The following PRKCA variants were observed in gnomAD, a reference collection of about 807,000 sequenced individuals.
PRKCA encodes protein kinase C alpha, also known as protein kinase C alpha type.
In PRKCA, 27 loss-of-function variants were observed where a neutral mutation model predicts 87.0. The ratio of observed to expected loss-of-function variants is 0.31; its 90% CI spans 0.23 to 0.43. PRKCA has a LOEUF of 0.43. PRKCA is among the 20% of genes least tolerant of loss of function. The probability of loss-of-function intolerance (pLI) is 1.00; values close to 1 mark genes in which losing one functional copy is unlikely to be tolerated. For synonymous variants in PRKCA, 329 were observed against 311.1 expected (o/e 1.06, Z -0.61); for missense variants, 518 against 852.3 (o/e 0.61, Z 4.88).
At chr17:66,475,574 T>C (rs1915504002) in intron 2 of PRKCA, among the ~76,000 whole-genome samples, 1 of 152,142 alleles carries the variant, frequency 6.6e-6, no homozygotes, top group Non-Finnish European at 1.5e-5. Flanking sequence ...ATTTGAGACA[T>C]TTGCCTTGTG....
chr17:66,343,060 A>G (rs986421524), intron 2 of PRKCA, among the ~76,000 whole-genome samples: 1 of 152,070 alleles, frequency 6.6e-6, no homozygotes, highest in East Asian at 1.9e-4. Context: ...ATATGCCAAG[A>G]TGTTTAAAGT....
intron 5 of PRKCA, among the ~76,000 whole-genome samples, chr17:66,648,176 G>C (rs548301416): frequency 6.6e-6 from 1 of 152,304 alleles, no homozygotes; most frequent in Admixed American, 6.5e-5. Flanking sequence ...GAGCGAACTT[G>C]CTCCCTGTCA....
At chr17:66,619,921 G>C (rs1970627095) in intron 3 of PRKCA, among the ~76,000 whole-genome samples, 1 of 152,130 alleles carries the variant, frequency 6.6e-6, no homozygotes, top group Non-Finnish European at 1.5e-5. Flanking sequence ...AAGGAGACTA[G>C]ATTTGGTAGT....
intron 2 of PRKCA, among the ~76,000 whole-genome samples, chr17:66,344,429 G>T (rs912082275): frequency 1.3e-5 from 2 of 152,204 alleles, no homozygotes; most frequent in Admixed American, 6.5e-5. Context: ...GCTGAGGCGG[G>T]CAGATAGCTT....
intron 2 of PRKCA, among the ~76,000 whole-genome samples, chr17:66,477,239 T>A (rs1915572745): frequency 6.6e-6 from 1 of 152,090 alleles, no homozygotes; most frequent in Non-Finnish European, 1.5e-5. Flanking sequence ...GGAATAAAAA[T>A]ATCATGTTAA....
At chr17:66,657,568 A>G (rs1216337754) in intron 5 of PRKCA, among the ~76,000 whole-genome samples, 4 of 152,180 alleles carry the variant, frequency 2.6e-5, no homozygotes, top group Non-Finnish European at 2.9e-5. Context: ...GTGGGGGTAC[A>G]GTGCAGGAGA....
chr17:66,330,031 C>T (rs1050490200), intron 2 of PRKCA, among the ~76,000 whole-genome samples: 1 of 152,032 alleles, frequency 6.6e-6, no homozygotes, highest in Non-Finnish European at 1.5e-5. Flanking sequence ...TCTTACTCAA[C>T]CCATTCCCTC....
chr17:66,736,275 C>A (rs1180021718), intron 10 of PRKCA, among the ~76,000 whole-genome samples: 1 of 148,116 alleles, frequency 6.8e-6, no homozygotes, highest in Non-Finnish European at 1.5e-5. Context: ...AAAAAACTCA[C>A]AGTCTTGGCT....
chr17:66,559,131 G>A (rs1968601561), intron 3 of PRKCA, among the ~76,000 whole-genome samples: 2 of 152,092 alleles, frequency 1.3e-5, no homozygotes, highest in Non-Finnish European at 2.9e-5. Context: ...GGCAAAAGGA[G>A]TCCTTGAATC....
At chr17:66,437,731 T>TTTTTTTTTTTTAGG (rs55779501) in intron 2 of PRKCA, among the ~76,000 whole-genome samples, 1 of 11,142 alleles carries the variant, frequency 9.0e-5, no homozygotes, top group Non-Finnish European at 1.6e-4. Flanking sequence ...TTTTTTTTTT[T>TTTTTTTTTTTTAGG]GAGCGGGGGG....
intron 13 of PRKCA, among the ~76,000 whole-genome samples, chr17:66,771,159 C>T (rs1974925956): frequency 1.3e-5 from 2 of 151,984 alleles, no homozygotes; most frequent in African/African-American, 4.8e-5. Flanking sequence ...TGCACCACCA[C>T]ACCTGGCTAC....
chr17:66,537,306 C>T (rs1250586200), intron 3 of PRKCA, among the ~76,000 whole-genome samples: 2 of 152,130 alleles, frequency 1.3e-5, no homozygotes, highest in Non-Finnish European at 2.9e-5. Flanking sequence ...TGGAAGCTTG[C>T]AGGTAAGTAT....
chr17:66,578,454 A>G (rs754693599), intron 3 of PRKCA, among the ~76,000 whole-genome samples: 5 of 152,180 alleles, frequency 3.3e-5, no homozygotes, highest in Non-Finnish European at 7.3e-5. Flanking sequence ...GAAAATTACA[A>G]TGGTTCAAGC....
At chr17:66,560,864 G>A (rs184296163) in intron 3 of PRKCA, among the ~76,000 whole-genome samples, 8 of 152,282 alleles carry the variant, frequency 5.3e-5, no homozygotes, top group African/African-American at 1.9e-4. Flanking sequence ...CTGAGGAGTT[G>A]GAGGGCCTGT....
At chr17:66,409,608 C>A (rs1911650807) in intron 2 of PRKCA, among the ~76,000 whole-genome samples, 1 of 152,124 alleles carries the variant, frequency 6.6e-6, no homozygotes, top group East Asian at 1.9e-4. Flanking sequence ...AATCAGAAGT[C>A]TTCAATATTC....
At chr17:66,743,759 T>G (rs1974207667) in intron 13 of PRKCA, among the ~76,000 whole-genome samples, 1 of 152,146 alleles carries the variant, frequency 6.6e-6, no homozygotes, top group South Asian at 2.1e-4. Flanking sequence ...CACAGAGCCC[T>G]CAGATGAGCT....
intron 2 of PRKCA, among the ~76,000 whole-genome samples, chr17:66,343,689 T>C (rs1907182504): frequency 6.6e-6 from 1 of 151,824 alleles, no homozygotes; most frequent in Non-Finnish European, 1.5e-5. Flanking sequence ...TGGACTAGAC[T>C]TAGTGGAAGA....
intron 13 of PRKCA, among the ~76,000 whole-genome samples, chr17:66,765,448 ATATATATC>A (rs1974787563): frequency 7.2e-6 from 1 of 138,394 alleles, no homozygotes; most frequent in African/African-American, 2.7e-5. Flanking sequence ...ATATATATAT[ATATATATC>A]CATATATATA....
At chr17:66,500,715 C>G (rs1024180908) in intron 3 of PRKCA, among the ~76,000 whole-genome samples, 2 of 152,124 alleles carry the variant, frequency 1.3e-5, no homozygotes. Context: ...GACAGCTATT[C>G]CTTGGTGCAT....
Sources: gnomAD v4.1 joint callset for allele counts (sites outside exome capture counted in the v4.1 genomes callset) on GRCh38, gnomAD v4.1.1 for gene constraint, MANE v1.5 for transcripts, NCBI Gene and HGNC (gene_info 2026-07-23, HGNC 2026-07-21) for gene names.